The following RNF138 variants were observed in gnomAD, a reference collection of about 807,000 sequenced individuals.
RNF138 encodes E3 ubiquitin-protein ligase RNF138.
RNF138 carries 12 observed loss-of-function variants against 31.0 expected under a neutral mutation model. That is an observed-to-expected ratio of 0.39 (90% CI 0.25 to 0.63). The LOEUF (loss-of-function observed/expected upper bound fraction) is 0.63. Ranked by LOEUF, RNF138 falls within the 20% of genes least tolerant of loss-of-function variation. The probability of loss-of-function intolerance (pLI) is 0.52; values close to 1 mark genes in which losing one functional copy is unlikely to be tolerated. For synonymous variants in RNF138, 105 were observed against 99.5 expected (o/e 1.06, Z -0.33); for missense variants, 192 against 300.1 (o/e 0.64, Z 2.66).
At chr18:32,099,445 C>G (rs1009322912) in intron 2 of RNF138, among the ~76,000 whole-genome samples, 9 of 152,174 alleles carry the variant, frequency 5.9e-5, no homozygotes, top group Admixed American at 4.6e-4. Context: ...CTCTGTTGCC[C>G]AGACTGGAGT....
chr18:32,102,099 C>T (rs546324746), intron 2 of RNF138, among the ~76,000 whole-genome samples: 1 of 150,014 alleles, frequency 6.7e-6, no homozygotes, highest in South Asian at 2.1e-4. Flanking sequence ...CCCAGAATGG[C>T]CTCAAACTCC....
chr18:32,121,507 A>C (rs1407206101), intron 4 of RNF138, among the ~76,000 whole-genome samples: 8 of 152,162 alleles, frequency 5.3e-5, no homozygotes, highest in Admixed American at 5.2e-4. Context: ...AAAAAAGAAA[A>C]AAGTTTTAAT....
At chr18:32,104,332 A>G (rs75902316) in intron 2 of RNF138, among the ~76,000 whole-genome samples, 2 of 152,042 alleles carry the variant, frequency 1.3e-5, no homozygotes, top group Non-Finnish European at 2.9e-5. Context: ...AAAAAAAAAA[A>G]TCCTCATTAA....
chr18:32,104,396 C>T (rs1230047642), intron 2 of RNF138, among the ~76,000 whole-genome samples: 3 of 152,098 alleles, frequency 2.0e-5, no homozygotes, highest in Non-Finnish European at 4.4e-5. Context: ...GCTTTAGGTG[C>T]TTTTCTAGTT....
chr18:32,096,527 C>T (rs545638678), intron 2 of RNF138, among the ~76,000 whole-genome samples: 27 of 151,812 alleles, frequency 1.8e-4, no homozygotes, highest in Non-Finnish European at 3.8e-4. Flanking sequence ...TTGAAGAGCA[C>T]CTAGATAGAG....
chr18:32,123,965 TA>T (rs58803750), intron 5 of RNF138: 2,242 of 145,868 alleles, frequency 0.015, 63 homozygotes, highest in African/African-American at 0.05. Flanking sequence ...AAATTAAACT[TA>T]AAAAAAAAAA....
At chr18:32,106,634 G>A (rs1389990511) in intron 2 of RNF138, among the ~76,000 whole-genome samples, 2 of 151,612 alleles carry the variant, frequency 1.3e-5, no homozygotes, top group Non-Finnish European at 2.9e-5. Context: ...GTGCGATCTC[G>A]GTTCATGGCA....
At chr18:32,128,163 T>C (rs1316826333) in intron 7 of RNF138, among the ~76,000 whole-genome samples, 2 of 152,248 alleles carry the variant, frequency 1.3e-5, no homozygotes, top group African/African-American at 4.8e-5. Flanking sequence ...GGGCATAAAA[T>C]TGATAGCAAA....
chr18:32,096,485 T>G (rs550301114), intron 2 of RNF138, among the ~76,000 whole-genome samples: 2 of 152,236 alleles, frequency 1.3e-5, no homozygotes, highest in South Asian at 4.1e-4. Context: ...GGTGTCGAAG[T>G]GGTCACCGAG....
At chr18:32,102,076 T>G in intron 2 of RNF138, among the ~76,000 whole-genome samples, 1 of 142,604 alleles carries the variant, frequency 7.0e-6, no homozygotes, top group Admixed American at 7.3e-5. Context: ...AGAGAGGAGG[T>G]CTCGCTGTGT....
At chr18:32,110,084 T>G (rs990287902) in intron 2 of RNF138, among the ~76,000 whole-genome samples, 1 of 152,126 alleles carries the variant, frequency 6.6e-6, no homozygotes, top group East Asian at 1.9e-4. Flanking sequence ...CCTCCTGGGC[T>G]CAAGTGATCC....
Position 32,092,706 on chromosome 18 carries a change from G to A in RNF138, c.-71G>A. On this transcript the variant is annotated 5_prime_UTR_variant, in exon 2 of 8. Transcript: ENST00000261593. Reference sequence around the variant, plus strand: ...CCCCTCCGGGTTCATGTAGGGAGTCGGGCCCCGGGCCGCCACCGTCACCTC... The same window carrying A: ...CCCCTCCGGGTTCATGTAGGGAGTCAGGCCCCGGGCCGCCACCGTCACCTC... 1 of 919,624 alleles carries A rather than the reference G, an allele frequency of 1.1e-6. No individual in the cohort carries two copies. The highest frequency in any genetic ancestry group is 1.4e-5 in the South Asian group (1 of 70,044). 57.0% of individuals were successfully genotyped at this position (919,624 alleles called of 1,614,324 possible). A position where few individuals can be genotyped will look rare whatever the true frequency, so the allele number is the denominator to read the frequency against.
At chr18:32,128,642 TTG>T (rs201905724) in intron 7 of RNF138, among the ~76,000 whole-genome samples, 8 of 152,358 alleles carry the variant, frequency 5.3e-5, no homozygotes, top group Admixed American at 1.3e-4. Context: ...ACATTTATGA[TTG>T]TGTGTTATGA....
At chr18:32,109,531 C>T (rs531118804) in intron 2 of RNF138, 1 of 152,414 alleles carries the variant, frequency 6.6e-6, no homozygotes, top group East Asian at 1.9e-4. Context: ...ACCTCAGCCT[C>T]CCAAGTGGCT....
intron 1 of RNF138, 104 bp from the exon 2 acceptor site, chr18:32,092,596 A>C: frequency 3.4e-6 from 2 of 581,862 alleles, no homozygotes; most frequent in African/African-American, 1.9e-5. Context: ...CGCGTGCGGC[A>C]GTAGCGTCTC....
At chr18:32,097,806 A>C (rs2039837079) in intron 2 of RNF138, among the ~76,000 whole-genome samples, 1 of 152,026 alleles carries the variant, frequency 6.6e-6, no homozygotes, top group Non-Finnish European at 1.5e-5. Flanking sequence ...TATAGGCATG[A>C]GCCACTATCC....
In RNF138 at chr18:32,130,086, A is replaced by G. The variant is rs1451125967; in HGVS notation, c.*899A>G. 5 of 152,474 alleles carry G rather than the reference A, an allele frequency of 3.3e-5. No homozygotes were observed. Among genetic ancestry groups the G allele is most frequent in the Non-Finnish European group, 5.9e-5 (4 of 67,916 alleles). The allele number at this position is 152,474 out of a possible 1,614,324, so 9.4% of individuals were successfully genotyped here. On this transcript the variant is annotated 3_prime_UTR_variant, in exon 8 of 8. Coordinates refer to ENST00000261593, the MANE Select transcript of RNF138 (RefSeq NM_016271.5). ...CAAAGCTAAAGATGTATATATACAT[A>G]TACTTTTGTGTGTATATATACACAT...
rs2040172254 is a variant in RNF138, at chr18:32,113,840, T to C, written c.372T>C (p.Ser124=). The stretch of plus-strand genomic sequence containing the variant: ...CTATCATTCCAAACTTTCAGATCTC[T>C]CAAGATTCAGTAGGGAACAGGTAAG... ...VSSIIPNFQI[S]QDSVGNSNRS... Residue 124 remains serine, a synonymous_variant, in exon 4 of 8, where the codon TCT becomes TCC. Transcript: ENST00000261593. 7 of 1,517,952 alleles carry C rather than the reference T, an allele frequency of 4.6e-6. No individual in the cohort carries two copies. Among genetic ancestry groups the C allele is most frequent in the Non-Finnish European group, 6.3e-6 (7 of 1,117,042 alleles). 94.0% of individuals were successfully genotyped at this position (1,517,952 alleles called of 1,614,324 possible). A position where few individuals can be genotyped will look rare whatever the true frequency, so the allele number is the denominator to read the frequency against.
In RNF138 at chr18:32,092,241, A is replaced by T. The variant is rs1226915952; in HGVS notation, c.-78+6A>T. ...CGCCGCTTCGGGGCTCCTAGGTGAG[A>T]GTCTCCCCGGCGGAAGCGTGGAGGG... On this transcript the variant is annotated splice_donor_region_variant and intron_variant, in intron 1 of 7. Coordinates refer to ENST00000261593, the MANE Select transcript of RNF138 (RefSeq NM_016271.5). The T allele has an allele frequency of 6.6e-6, 1 of 152,306 alleles. No individual in the cohort carries two copies. Among genetic ancestry groups the T allele is most frequent in the African/African-American group, 2.4e-5 (1 of 41,074 alleles). 9.4% of individuals were successfully genotyped at this position (152,306 alleles called of 1,614,324 possible). A position where few individuals can be genotyped will look rare whatever the true frequency, so the allele number is the denominator to read the frequency against.
Sources: gnomAD v4.1 joint callset for allele counts (sites outside exome capture counted in the v4.1 genomes callset) on GRCh38, gnomAD v4.1.1 for gene constraint, MANE v1.5 for transcripts, NCBI Gene and HGNC (gene_info 2026-07-23, HGNC 2026-07-21) for gene names.